RANBP2: variants seen among roughly 807,000 people sequenced by gnomAD.
RANBP2 encodes the protein RAN binding protein 2, also known as E3 SUMO-protein ligase RanBP2.
Under a neutral mutation model 303.6 loss-of-function variants are expected in RANBP2, and 57 were observed. The ratio of observed to expected loss-of-function variants is 0.19; its 90% CI spans 0.15 to 0.23. The LOEUF (loss-of-function observed/expected upper bound fraction) is 0.23. RANBP2 is among the 10% of genes least tolerant of loss of function. RANBP2 has a pLI of 1.00. For synonymous variants in RANBP2, 1,167 were observed against 1,301.5 expected (o/e 0.90, Z 2.23); for missense variants, 3,138 against 3,780.8 (o/e 0.83, Z 4.46).
chr2:109,219,214 A>G, the RANBP2 span, among the ~76,000 whole-genome samples: 4 of 152,218 alleles, frequency 2.6e-5, no homozygotes, highest in South Asian at 8.3e-4. Flanking sequence ...GGGAGCTTCC[A>G]TGAGAGAATG....
At chr2:109,676,126 C>T in the RANBP2 span, among the ~76,000 whole-genome samples, 1 of 152,244 alleles carries the variant, frequency 6.6e-6, no homozygotes, top group East Asian at 1.9e-4. Flanking sequence ...TCCCAACCAG[C>T]TGGTAGGACA....
At chr2:108,913,034 T>C in the RANBP2 span, among the ~76,000 whole-genome samples, 4 of 151,590 alleles carry the variant, frequency 2.6e-5, no homozygotes, top group South Asian at 6.3e-4. Context: ...CTGCAAGCTC[T>C]GCCTCCCTGG....
the RANBP2 span, among the ~76,000 whole-genome samples, chr2:109,389,737 A>G: frequency 3.5e-4 from 54 of 152,184 alleles, no homozygotes; most frequent in Non-Finnish European, 2.1e-4. Flanking sequence ...TCCACTAGAT[A>G]AATACACCAA....
At chr2:109,086,903 G>C in the RANBP2 span, among the ~76,000 whole-genome samples, 1 of 152,180 alleles carries the variant, frequency 6.6e-6, no homozygotes, top group Non-Finnish European at 1.5e-5. Flanking sequence ...GCTTGCCCTT[G>C]GCCCTACAAA....
chr2:108,727,175 G>T (rs1221610992), intron 1 of RANBP2, among the ~76,000 whole-genome samples: 1 of 152,052 alleles, frequency 6.6e-6, no homozygotes, highest in Admixed American at 6.6e-5. Context: ...GGTGGTGGCC[G>T]GGCAGAGGGG....
chr2:108,918,655 C>T, the RANBP2 span, among the ~76,000 whole-genome samples: 8 of 152,150 alleles, frequency 5.3e-5, no homozygotes, highest in East Asian at 1.9e-4. Flanking sequence ...AGGGTCCTGC[C>T]GGGCACTGTG....
At chr2:109,707,195 T>C in the RANBP2 span, among the ~76,000 whole-genome samples, 2 of 152,218 alleles carry the variant, frequency 1.3e-5, no homozygotes, top group Non-Finnish European at 2.9e-5. Context: ...TGCAGGAAAT[T>C]GATGTTTACT....
chr2:109,267,322 C>G, the RANBP2 span, among the ~76,000 whole-genome samples: 243 of 152,286 alleles, frequency 1.6e-3, no homozygotes, highest in Non-Finnish European at 2.9e-3. Flanking sequence ...GATCCAAACA[C>G]AAGCATACCA....
chr2:109,763,669 C>T, the RANBP2 span, among the ~76,000 whole-genome samples: 1 of 150,250 alleles, frequency 6.7e-6, no homozygotes, highest in Admixed American at 6.8e-5. Flanking sequence ...TGTATTAGAG[C>T]AATATACATT....
the RANBP2 span, among the ~76,000 whole-genome samples, chr2:108,988,014 G>T: frequency 6.6e-6 from 1 of 152,150 alleles, no homozygotes; most frequent in African/African-American, 2.4e-5. Context: ...TCTCAAAAAT[G>T]CCACTTGAGA....
At chr2:109,462,825 T>C in the RANBP2 span, among the ~76,000 whole-genome samples, 1 of 152,162 alleles carries the variant, frequency 6.6e-6, no homozygotes, top group Admixed American at 6.5e-5. Context: ...GAGATAAAAC[T>C]CCACTGATCA....
chr2:109,245,345 G>A, the RANBP2 span, among the ~76,000 whole-genome samples: 1 of 152,130 alleles, frequency 6.6e-6, no homozygotes, highest in Admixed American at 6.5e-5. Flanking sequence ...CTTGGGGACA[G>A]TGTCAACCTC....
intron 6 of RANBP2, among the ~76,000 whole-genome samples, chr2:108,736,933 C>T (rs1007024820): frequency 5.9e-5 from 9 of 151,554 alleles, no homozygotes; most frequent in Non-Finnish European, 1.2e-4. Context: ...TGCTTACATA[C>T]TACAAGGTTG....
chr2:109,667,332 A>G, the RANBP2 span: 1 of 563,726 alleles, frequency 1.8e-6, no homozygotes. Context: ...AGAGAGGAAA[A>G]TAACACTCTT....
the RANBP2 span, among the ~76,000 whole-genome samples, chr2:109,170,284 CTTCTCT>C: frequency 7.8e-6 from 1 of 128,300 alleles, no homozygotes; most frequent in East Asian, 3.4e-4. Flanking sequence ...CTTCTCTTCT[CTTCTCT>C]TCTCTTCTCT....
At chr2:109,328,876 C>G in the RANBP2 span, among the ~76,000 whole-genome samples, 1,334 of 152,272 alleles carry the variant, frequency 8.8e-3, 26 homozygotes, top group African/African-American at 0.03. Context: ...CCCTGGACTC[C>G]CAGTTGCCTT....
the RANBP2 span, among the ~76,000 whole-genome samples, chr2:108,995,434 T>C: frequency 6.6e-6 from 1 of 152,222 alleles, no homozygotes; most frequent in Non-Finnish European, 1.5e-5. Flanking sequence ...TAGTTCTCCC[T>C]TACTCTTCAC....
the RANBP2 span, among the ~76,000 whole-genome samples, chr2:108,911,956 T>C: frequency 6.6e-6 from 1 of 152,180 alleles, no homozygotes; most frequent in Non-Finnish European, 1.5e-5. Flanking sequence ...AGTGTTTTAA[T>C]ATTCTCCGTG....
chr2:109,561,391 A>G, the RANBP2 span, among the ~76,000 whole-genome samples: 3 of 152,174 alleles, frequency 2.0e-5, no homozygotes, highest in Non-Finnish European at 2.9e-5. Context: ...TTTAGTGCTT[A>G]TATCACAGCT....
Sources: allele counts gnomAD v4.1 joint callset (sites outside exome capture counted in the v4.1 genomes callset), GRCh38; gene constraint gnomAD v4.1.1; transcripts MANE v1.5; gene names NCBI Gene and HGNC (gene_info 2026-07-23, HGNC 2026-07-21).